Variants in IL1RL2 observed in about 807,000 individuals in gnomAD.
IL1RL2 encodes the protein interleukin 1 receptor like 2.
A neutral mutation model predicts 66.8 loss-of-function variants in IL1RL2; 68 were observed. The ratio of observed to expected loss-of-function variants is 1.02; its 90% CI spans 0.84 to 1.25. The LOEUF is 1.25. IL1RL2 is among the 50% of genes most tolerant of loss of function. IL1RL2 has a pLI of 0.00. For synonymous variants in IL1RL2, 305 were observed against 264.6 expected, an observed-to-expected ratio of 1.15 and a Z score of -1.48; for missense variants, 729 against 709.3, an observed-to-expected ratio of 1.03 and a Z score of -0.32.
rs1488808152 is a variant in IL1RL2, at chr2:102,195,643, CTCTCTTTCTTTCTTTCTTTCTT to C, written c.489+3527_489+3548del. Among the ~76,000 whole-genome samples the C allele has an allele frequency of 6.6e-4, 41 of 61,890 alleles. 1 individual carries two copies. Among genetic ancestry groups the C allele is most frequent in the African/African-American group, 2.2e-3 (38 of 17,036 alleles). 40.6% of individuals were successfully genotyped at this position (61,890 alleles called of 152,430 possible). On this transcript the variant is annotated intron_variant, in intron 4 of 11. Coordinates refer to ENST00000264257, the MANE Select transcript of IL1RL2 (RefSeq NM_003854.4). ...TTTCTTTCTTTCTCTCTCTCTCTCT[CTCTCTTTCTTTCTTTCTTTCTT>C]TCTTTCTTTCTTTCTTTCTTCTTTC...
intron 11 of IL1RL2, among the ~76,000 whole-genome samples, chr2:102,237,747 A>G (rs1284481801): frequency 1.3e-5 from 2 of 152,234 alleles, no homozygotes; most frequent in African/African-American, 2.4e-5. Context: ...CACCGCTGAC[A>G]TGTAGGCAGG....
At chr2:102,240,297 AT>A (rs1481674528), downstream of IL1RL2, among the ~76,000 whole-genome samples, 1 of 146,358 alleles carries the variant, frequency 6.8e-6, no homozygotes, top group Non-Finnish European at 1.5e-5. Context: ...TTATGTCCTG[AT>A]GAATATTTTC....
chr2:102,189,527 A>G (rs1465286959), intron 3 of IL1RL2, among the ~76,000 whole-genome samples: 4 of 152,318 alleles, frequency 2.6e-5, no homozygotes, highest in Middle Eastern at 6.8e-3. Context: ...TGGAAATGGC[A>G]CCTCAGACCA....
At chr2:102,190,158 T>A (rs1484656033) in intron 3 of IL1RL2, among the ~76,000 whole-genome samples, 1 of 152,224 alleles carries the variant, frequency 6.6e-6, no homozygotes, top group Non-Finnish European at 1.5e-5. Flanking sequence ...GGAAAACACA[T>A]GCCCCTCAAA....
chr2:102,200,161 A>C (rs1304973390), intron 4 of IL1RL2, among the ~76,000 whole-genome samples: 1 of 151,048 alleles, frequency 6.6e-6, no homozygotes, highest in African/African-American at 2.4e-5. Flanking sequence ...TATCCTAAAG[A>C]AGGAGACATC....
chr2:102,233,211 T>G, intron 10 of IL1RL2, 87 bp downstream of exon 10: 3 of 1,281,060 alleles, frequency 2.3e-6, no homozygotes, highest in Non-Finnish European at 3.3e-6. Flanking sequence ...GCGGTGACTC[T>G]GCCTGCCTTC....
In IL1RL2 at chr2:102,228,954, T is replaced by C. The variant is rs138670954; in HGVS notation, c.1135+2913T>C. Reference sequence around the variant, plus strand: ...CTTGACTGCAACAACTTTCCCATGGTAAATGTCATAGCGTGTTTTGTGTGG... The same window carrying C: ...CTTGACTGCAACAACTTTCCCATGGCAAATGTCATAGCGTGTTTTGTGTGG... On this transcript the variant is annotated intron_variant, in intron 9 of 11. Coordinates refer to ENST00000264257, the MANE Select transcript of IL1RL2 (RefSeq NM_003854.4). Among the ~76,000 whole-genome samples the C allele has an allele frequency of 1.3e-3, 191 of 152,196 alleles. 1 individual carries two copies. Among genetic ancestry groups the C allele is most frequent in the African/African-American group, 4.3e-3 (179 of 41,546 alleles).
chr2:102,227,712 T>C (rs1291229561), intron 9 of IL1RL2, among the ~76,000 whole-genome samples: 5 of 152,012 alleles, frequency 3.3e-5, no homozygotes, highest in Non-Finnish European at 5.9e-5. Flanking sequence ...CAGAGTTGAG[T>C]GGTTCAGTTG....
chr2:102,201,635 G>A lies in IL1RL2; in HGVS notation c.569G>A (p.Arg190Lys), dbSNP rs750996139. ...GTGAGCAATGTCTCGGCAGAGGACA[G>A]AGGGAACTACGCGTGTCAAGCCATA... ...LLVSNVSAED[R>K]GNYACQAILT... Residue 190 changes from arginine to lysine, a missense_variant, in exon 5 of 12, where the codon AGA (arginine) becomes AAA (lysine). Physicochemically the swap from Arg to Lys is conservative, Grantham distance 26. Transcript: ENST00000264257. 2 of 1,614,046 alleles carry A rather than the reference G, an allele frequency of 1.2e-6. No individual in the cohort carries two copies. Among genetic ancestry groups the A allele is most frequent in the African/African-American group, 2.7e-5 (2 of 74,932 alleles).
At chr2:102,235,754 C>T (rs775633664) in intron 11 of IL1RL2, 17 of 985,280 alleles carry the variant, frequency 1.7e-5, no homozygotes, top group Non-Finnish European at 2.0e-5. Flanking sequence ...GTCTTCAGGG[C>T]CCCATGCTCA....
chr2:102,187,817 T>G, intron 1 of IL1RL2, 39 bp from the exon 2 acceptor site: 1 of 1,306,946 alleles, frequency 7.7e-7, no homozygotes, highest in Non-Finnish European at 1.1e-6. Flanking sequence ...CCCGCCCTAC[T>G]GCGTCCTCCC....
chr2:102,225,885 CT>C lies in IL1RL2; in HGVS notation c.992-12del. On this transcript the variant is annotated splice_polypyrimidine_tract_variant and intron_variant, in intron 8 of 11. Coordinates refer to ENST00000264257, the MANE Select transcript of IL1RL2 (RefSeq NM_003854.4). The stretch of plus-strand genomic sequence containing the variant: ...AATTATAATTATTATTATTTTTTTG[CT>C]GTCATTTGTAGCTCCGGATTTTCGA... 2 of 1,517,576 alleles carry C rather than the reference CT, an allele frequency of 1.3e-6. No individual in the cohort carries two copies. The highest frequency in any genetic ancestry group is 8.8e-7 in the Non-Finnish European group (1 of 1,133,792). The allele number at this position is 1,517,576 out of a possible 1,614,324, so 94.0% of individuals were successfully genotyped here. A position where few individuals can be genotyped will look rare whatever the true frequency, so the allele number is the denominator to read the frequency against.
chr2:102,203,342 CTCT>C (rs147221415), intron 5 of IL1RL2, among the ~76,000 whole-genome samples: 41,141 of 150,354 alleles, frequency 0.27, 6,250 homozygotes, highest in East Asian at 0.38. Context: ...AGTTTTCTCT[CTCT>C]TTTTTTTTTT....
At chr2:102,197,909 G>C (rs914529667) in intron 4 of IL1RL2, among the ~76,000 whole-genome samples, 1 of 152,204 alleles carries the variant, frequency 6.6e-6, no homozygotes, top group Non-Finnish European at 1.5e-5. Context: ...TTGTGGTAGA[G>C]GTAGCGGCTC....
chr2:102,201,723 T>A lies in IL1RL2; in HGVS notation c.649+8T>A, dbSNP rs368217225. On this transcript the variant is annotated splice_region_variant and intron_variant, in intron 5 of 11. Transcript: ENST00000264257. ...GCATCACTGTGAGCATTAGTAAGTA[T>A]GCTCATGTATGCCTGTCGCCTTGTA... The A allele has an allele frequency of 6.2e-7, 1 of 1,611,914 alleles. No individual in the cohort carries two copies. Among genetic ancestry groups the A allele is most frequent in the South Asian group, 1.1e-5 (1 of 90,942 alleles).
At chr2:102,214,689 G>T (rs531338344) in intron 6 of IL1RL2, among the ~76,000 whole-genome samples, 1 of 151,600 alleles carries the variant, frequency 6.6e-6, no homozygotes, top group East Asian at 1.9e-4. Flanking sequence ...GTCAAAACAT[G>T]TCTAAAATTT....
chr2:102,230,627 C>G (rs373443216), intron 9 of IL1RL2, among the ~76,000 whole-genome samples: 1 of 152,196 alleles, frequency 6.6e-6, no homozygotes, highest in Admixed American at 6.5e-5. Flanking sequence ...AGGGAGCCAA[C>G]GAAGTCTCCA....
At chr2:102,200,816 T>C (rs989651355) in intron 4 of IL1RL2, among the ~76,000 whole-genome samples, 2 of 152,022 alleles carry the variant, frequency 1.3e-5, no homozygotes, top group African/African-American at 4.8e-5. Flanking sequence ...TGAGACTCAC[T>C]GGTCTTCTGG....
chr2:102,190,169 G>T (rs989965147), intron 3 of IL1RL2, among the ~76,000 whole-genome samples: 11 of 152,170 alleles, frequency 7.2e-5, no homozygotes, highest in Admixed American at 2.0e-4. Context: ...GCCCCTCAAA[G>T]GTAGCTGTCT....
Sources: gnomAD v4.1 joint callset for allele counts (sites outside exome capture counted in the v4.1 genomes callset) on GRCh38, gnomAD v4.1.1 for gene constraint, MANE v1.5 for transcripts, NCBI Gene and HGNC (gene_info 2026-07-23, HGNC 2026-07-21) for gene names.